The following ZBTB5 variants were observed in gnomAD, a reference collection of about 807,000 sequenced individuals.
The protein encoded by ZBTB5 is zinc finger and BTB domain containing 5.
A neutral mutation model predicts 37.9 loss-of-function variants in ZBTB5; 15 were observed. The observed-to-expected ratio is 0.40, with a 90% CI of 0.26 to 0.61. ZBTB5 has a LOEUF of 0.61. Ranked by LOEUF, ZBTB5 falls within the 20% of genes least tolerant of loss-of-function variation. The pLI is 0.47. For synonymous variants in ZBTB5, 315 were observed against 312.4 expected, an observed-to-expected ratio of 1.01 and a Z score of -0.09; for missense variants, 708 against 856.8, an observed-to-expected ratio of 0.83 and a Z score of 2.17.
chr9:37,444,126 A>T (rs772893129), intron 1 of ZBTB5, among the ~76,000 whole-genome samples: 31 of 152,210 alleles, frequency 2.0e-4, no homozygotes, highest in Admixed American at 3.9e-4. Flanking sequence ...AGAAGGAATT[A>T]ATCAGGTCCA....
chr9:37,440,967 C>A lies in ZBTB5; in HGVS notation c.1585G>T (p.Ala529Ser). 1.1e-5 allele frequency: 17 copies of A among 1,614,208 alleles called. No individual in the cohort carries two copies. Among genetic ancestry groups the A allele is most frequent in the Non-Finnish European group, 1.4e-5 (17 of 1,180,040 alleles). ...CGGCGGTAGTAAGGAAAGTTACTGG[C>A]TCCTCCCCTTGGGGAACCTATCATT... ...RVMIGSPRGG[A>S]SNFPYYRRIA... Residue 529 changes from alanine to serine, a missense_variant, in exon 2 of 2, where the codon GCC (alanine) becomes TCC (serine). Ala to Ser is a moderately conservative substitution (Grantham distance 99). This residue lies in a region of ZBTB5 where 639 missense variants were observed against 690.5 expected (regional missense o/e 0.93). Transcript: ENST00000307750.
rs1159355499 is a variant in ZBTB5 at position 37,440,148 on chromosome 9, C to T, written c.*370G>A. The T allele has an allele frequency of 1.2e-5, 3 of 260,844 alleles. No individual in the cohort carries two copies. The highest frequency in any genetic ancestry group is 5.1e-5 in the Admixed American group (1 of 19,498). 16.2% of individuals were successfully genotyped at this position (260,844 alleles called of 1,614,324 possible). On this transcript the variant is annotated 3_prime_UTR_variant, in exon 2 of 2. Coordinates refer to ENST00000307750, the MANE Select transcript of ZBTB5 (RefSeq NM_014872.3). Reference sequence around the variant, plus strand: ...ATCACTATACAGGGATATAATACTCCCATCAGAAGGTATAGGAAATTTAAA... The same window carrying T: ...ATCACTATACAGGGATATAATACTCTCATCAGAAGGTATAGGAAATTTAAA...
Position 37,440,647 on chromosome 9 carries a change from G to T in ZBTB5, c.1905C>A (p.His635Gln). The change falls in exon 2 of 2, where the codon CAC (histidine) becomes CAA (glutamine). Residue 635 changes from histidine (H) to glutamine (Q), a missense_variant. Physicochemically the swap from His to Gln is conservative, Grantham distance 24. Around this residue, in one of 3 missense-constraint regions of ZBTB5, gnomAD observed 42 missense variants for 107.9 expected, o/e 0.39. Coordinates refer to ENST00000307750, the MANE Select transcript of ZBTB5 (RefSeq NM_014872.3). ...LTDCKKHIRV[H>Q]TGEKPYACLK... ...GGCAGGCGTAAGGCTTTTCACCTGT[G>T]TGAACACGGATGTGCTTCTTGCAAT... 1 of 1,614,250 alleles carries T rather than the reference G, an allele frequency of 6.2e-7. No homozygotes were observed. The highest frequency in any genetic ancestry group is 8.5e-7 in the Non-Finnish European group (1 of 1,180,046).
intron 1 of ZBTB5, among the ~76,000 whole-genome samples, chr9:37,453,265 A>G (rs921174172): frequency 1.3e-5 from 2 of 151,934 alleles, no homozygotes; most frequent in African/African-American, 4.8e-5. Flanking sequence ...ATAGCTCACT[A>G]CAGCCTTGAA....
intron 1 of ZBTB5, among the ~76,000 whole-genome samples, chr9:37,459,287 C>T (rs1401428759): frequency 1.3e-5 from 2 of 151,974 alleles, no homozygotes; most frequent in East Asian, 1.9e-4. Context: ...GGAGAAAAGC[C>T]GTCTCTACTA....
intron 1 of ZBTB5, among the ~76,000 whole-genome samples, chr9:37,463,140 T>C (rs1462176068): frequency 6.6e-6 from 1 of 152,194 alleles, no homozygotes; most frequent in Admixed American, 6.5e-5. Context: ...AAACTGGATC[T>C]TGAAATTAAA....
chr9:37,440,671 A>G lies in ZBTB5; in HGVS notation c.1881T>C (p.Asp627=), dbSNP rs887957677. 1 of 1,614,118 alleles carries G rather than the reference A, an allele frequency of 6.2e-7. No homozygotes were observed. Among genetic ancestry groups the G allele is most frequent in the South Asian group, 1.1e-5 (1 of 91,092 alleles). The change falls in exon 2 of 2, where the codon GAT becomes GAC. Residue 627 remains aspartate, a synonymous_variant. Coordinates refer to ENST00000307750, the MANE Select transcript of ZBTB5 (RefSeq NM_014872.3). ...TGTGAACACGGATGTGCTTCTTGCA[A>G]TCTGTCAAAGTCAGAAAAGTTTTGC... ...ICCKTFLTLT[D]CKKHIRVHTG... is the part of the protein sequence containing the mutation.
At chr9:37,464,926 C>A (rs2118967681) in intron 1 of ZBTB5, among the ~76,000 whole-genome samples, 1 of 152,350 alleles carries the variant, frequency 6.6e-6, no homozygotes, top group Middle Eastern at 3.4e-3. Context: ...GCCTTTCCCA[C>A]CCCATTCGGG....
At chr9:37,455,343 T>C (rs987410239) in intron 1 of ZBTB5, among the ~76,000 whole-genome samples, 2 of 152,050 alleles carry the variant, frequency 1.3e-5, no homozygotes, top group African/African-American at 4.8e-5. Context: ...CAGCTCCCCA[T>C]CCATCCCACT....
In ZBTB5 at chr9:37,440,365, C is replaced by A; in HGVS notation, c.*153G>T. On this transcript the variant is annotated 3_prime_UTR_variant, in exon 2 of 2. Transcript: ENST00000307750. ...CACTTCACTCAGAAATGCAGCAGCA[C>A]AAATACTACATGTTAGTTCTCCGGT... is the stretch of plus-strand genomic sequence containing the variant. The A allele has an allele frequency of 1.5e-6, 1 of 646,392 alleles. No homozygotes were observed. Among genetic ancestry groups the A allele is most frequent in the Middle Eastern group, 4.2e-4 (1 of 2,354 alleles). 40.0% of individuals were successfully genotyped at this position (646,392 alleles called of 1,614,324 possible).
At chr9:37,461,047 C>A (rs1564314928) in intron 1 of ZBTB5, among the ~76,000 whole-genome samples, 3 of 152,206 alleles carry the variant, frequency 2.0e-5, no homozygotes, top group Admixed American at 1.3e-4. Flanking sequence ...GCCTTCACTT[C>A]TCAATCATTT....
At position 37,440,451 on chromosome 9, in the gene ZBTB5, TTAAC is replaced by T; in HGVS notation, c.*63_*66del. 1 of 1,473,588 alleles carries T rather than the reference TTAAC, an allele frequency of 6.8e-7. No homozygotes were observed. The highest frequency in any genetic ancestry group is 9.3e-7 in the Non-Finnish European group (1 of 1,075,022). 91.3% of individuals were successfully genotyped at this position (1,473,588 alleles called of 1,614,324 possible). On this transcript the variant is annotated 3_prime_UTR_variant, in exon 2 of 2. Transcript: ENST00000307750. The stretch of plus-strand genomic sequence containing the variant: ...GCTGGAAGCCTCGAACCCAAAGGCA[TTAAC>T]TGCTTACCAAAAGAAATTCAGTCTG...
chr9:37,460,544 A>G (rs1824274267), intron 1 of ZBTB5, among the ~76,000 whole-genome samples: 1 of 151,936 alleles, frequency 6.6e-6, no homozygotes. Flanking sequence ...ACATAGCAAA[A>G]CCTTTTCTCT....
At position 37,448,759 on chromosome 9, in the gene ZBTB5, G is replaced by T. The variant is rs540277052; in HGVS notation, c.-4-6204C>A. ...AACTTATTTAAAAATAGTAATAAAC[G>T]ATTACAGCCGGGCACAGTGGCTCAC... On this transcript the variant is annotated intron_variant, in intron 1 of 1. Coordinates refer to ENST00000307750, the MANE Select transcript of ZBTB5 (RefSeq NM_014872.3). Among the ~76,000 whole-genome samples the T allele has an allele frequency of 2.0e-5, 3 of 152,270 alleles. No homozygotes were observed. In the South Asian group the frequency reaches 6.2e-4, roughly 32 times the overall value.
rs1823841566 is a variant in ZBTB5, at chr9:37,440,425, A to G, written c.*93T>C. 1.9e-6 allele frequency: 2 copies of G among 1,037,020 alleles called. No individual in the cohort carries two copies. The highest frequency in any genetic ancestry group is 3.2e-5 in the African/African-American group (2 of 62,502). 64.2% of individuals were successfully genotyped at this position (1,037,020 alleles called of 1,614,324 possible). The stretch of plus-strand genomic sequence containing the variant: ...CTAAACTGTTTAAGAGCCACTGGGC[A>G]GCTGGAAGCCTCGAACCCAAAGGCA... On this transcript the variant is annotated 3_prime_UTR_variant, in exon 2 of 2. Transcript: ENST00000307750.
At chr9:37,457,419 C>T (rs909897972) in intron 1 of ZBTB5, among the ~76,000 whole-genome samples, 7 of 152,230 alleles carry the variant, frequency 4.6e-5, no homozygotes, top group Non-Finnish European at 7.4e-5. Flanking sequence ...TTTGTAGAGA[C>T]GGGTCTCACT....
chr9:37,461,720 G>A (rs1401915252), intron 1 of ZBTB5, among the ~76,000 whole-genome samples: 1 of 151,880 alleles, frequency 6.6e-6, no homozygotes, highest in Admixed American at 6.6e-5. Context: ...GTGACAGAGT[G>A]AGACCCTGTC....
At chr9:37,450,395 C>T (rs73646386) in intron 1 of ZBTB5, among the ~76,000 whole-genome samples, 4,120 of 151,888 alleles carry the variant, frequency 0.027, 190 homozygotes, top group African/African-American at 0.091. Flanking sequence ...GGGGCCCATA[C>T]AGGTCACTGG....
chr9:37,442,080 G>C lies in ZBTB5; in HGVS notation c.472C>G (p.Leu158Val). Residue 158 changes from leucine to valine, a missense_variant, in exon 2 of 2, where the codon CTC (leucine) becomes GTC (valine). By Grantham distance (32) the Leu-to-Val change is conservative (BLOSUM62 1). This residue lies in a region of ZBTB5 where 639 missense variants were observed against 690.5 expected (regional missense o/e 0.93). Transcript: ENST00000307750. ...QLGLSIVSSA[L>V]NSSQNGEEQP... Reference sequence around the variant, plus strand: ...TCCTCGCCATTCTGGCTGGAATTGAGGGCTGAGCTCACGATGCTTAGTCCC... The same window carrying C: ...TCCTCGCCATTCTGGCTGGAATTGACGGCTGAGCTCACGATGCTTAGTCCC... 6.2e-7 allele frequency: 1 copy of C among 1,614,004 alleles called. No individual in the cohort carries two copies. The highest frequency in any genetic ancestry group is 8.5e-7 in the Non-Finnish European group (1 of 1,180,048).
Sources: allele counts gnomAD v4.1 joint callset (sites outside exome capture counted in the v4.1 genomes callset), GRCh38; gene constraint gnomAD v4.1.1; regional missense constraint gnomAD v4.1.1; transcripts MANE v1.5; gene names NCBI Gene and HGNC (gene_info 2026-07-23, HGNC 2026-07-21).